The following DESI2 variants were observed in gnomAD, a reference collection of about 807,000 sequenced individuals.
DESI2 encodes deubiquitinase DESI2.
A neutral mutation model predicts 24.1 loss-of-function variants in DESI2; 10 were observed. The ratio of observed to expected loss-of-function variants is 0.41; its 90% CI spans 0.26 to 0.70. The LOEUF (loss-of-function observed/expected upper bound fraction) is 0.70, where lower values mean the gene tolerates loss of function less well. Ranked by LOEUF, DESI2 falls within the 30% of genes least tolerant of loss-of-function variation. The pLI, the probability that DESI2 is intolerant of heterozygous loss-of-function variation, is 0.29. For synonymous variants in DESI2, 71 were observed against 87.7 expected, an observed-to-expected ratio of 0.81 and a Z score of 1.06; for missense variants, 122 against 234.9, an observed-to-expected ratio of 0.52 and a Z score of 3.14.
intron 1 of DESI2, among the ~76,000 whole-genome samples, chr1:244,668,186 GTT>G (rs1350891961): frequency 6.6e-6 from 1 of 152,176 alleles, no homozygotes; most frequent in Non-Finnish European, 1.5e-5. Context: ...GTATACCTAT[GTT>G]TTGTTCAATC....
At chr1:244,691,042 C>T (rs1431035442) in intron 3 of DESI2, among the ~76,000 whole-genome samples, 4 of 152,236 alleles carry the variant, frequency 2.6e-5, no homozygotes, top group Admixed American at 2.0e-4. Flanking sequence ...TCCACTTTCT[C>T]TTGGATAATG....
intron 2 of DESI2, 25 bp downstream of exon 2, chr1:244,686,694 T>C (rs1676836908): frequency 6.8e-7 from 1 of 1,472,120 alleles, no homozygotes; most frequent in South Asian, 1.1e-5. Context: ...AGTCTAAATA[T>C]ACTCTCTGAA....
At chr1:244,695,108 G>A (rs766867791) in intron 4 of DESI2, among the ~76,000 whole-genome samples, 4 of 152,070 alleles carry the variant, frequency 2.6e-5, no homozygotes, top group Admixed American at 6.6e-5. Context: ...TGGCCCCACC[G>A]GCAGGCCAGC....
chr1:244,705,131 A>G (rs6692826), intron 4 of DESI2, among the ~76,000 whole-genome samples: 42,720 of 152,038 alleles, frequency 0.28, 6,286 homozygotes, highest in African/African-American at 0.37. Context: ...TCTGTGAAAA[A>G]GAAGAATTCA....
chr1:244,699,366 G>A (rs367711603), intron 4 of DESI2, among the ~76,000 whole-genome samples: 13 of 152,044 alleles, frequency 8.6e-5, no homozygotes, highest in East Asian at 1.9e-4. Context: ...GGCAGATCAC[G>A]AGGTCAAGAG....
intron 2 of DESI2, among the ~76,000 whole-genome samples, chr1:244,688,114 A>G (rs886875082): frequency 2.6e-5 from 4 of 152,234 alleles, no homozygotes; most frequent in Non-Finnish European, 4.4e-5. Context: ...ATTTAGTAAT[A>G]ATTAGAAACA....
chr1:244,655,701 A>G (rs978034031), intron 1 of DESI2, among the ~76,000 whole-genome samples: 7 of 152,224 alleles, frequency 4.6e-5, no homozygotes, highest in Admixed American at 4.6e-4. Flanking sequence ...AAGGTATGAA[A>G]CTTGAAGAAT....
At chr1:244,687,241 A>G (rs1309553789) in intron 2 of DESI2, among the ~76,000 whole-genome samples, 1 of 152,158 alleles carries the variant, frequency 6.6e-6, no homozygotes, top group Non-Finnish European at 1.5e-5. Flanking sequence ...AGCCCTTTTC[A>G]TTCTCCTTAT....
chr1:244,686,266 ATGTGTGTG>A (rs71574695), intron 1 of DESI2, among the ~76,000 whole-genome samples: 39 of 145,408 alleles, frequency 2.7e-4, no homozygotes, highest in Non-Finnish European at 4.8e-4. Context: ...GTGTGTGTGT[ATGTGTGTG>A]TGTGTGTGTG....
At chr1:244,654,461 T>C (rs1675577896) in intron 1 of DESI2, among the ~76,000 whole-genome samples, 2 of 152,214 alleles carry the variant, frequency 1.3e-5, no homozygotes, top group African/African-American at 4.8e-5. Flanking sequence ...TATTATATCT[T>C]GGGTAGAGTG....
intron 1 of DESI2, among the ~76,000 whole-genome samples, chr1:244,668,389 C>G (rs1265982794): frequency 6.6e-6 from 1 of 152,062 alleles, no homozygotes; most frequent in African/African-American, 2.4e-5. Flanking sequence ...AGTAATTAGC[C>G]CACGATCTCC....
In DESI2 at chr1:244,661,220, C is replaced by A. The variant is rs145564727; in HGVS notation, c.42+7865C>A. The stretch of plus-strand genomic sequence containing the variant: ...TGGTAATCATCATTCTGCTTTCTGT[C>A]TCTGTGCATTTGACTAGATAACCTC... On this transcript the variant is annotated intron_variant, in intron 1 of 4. Coordinates refer to ENST00000302550, the MANE Select transcript of DESI2 (RefSeq NM_016076.5). Among the ~76,000 whole-genome samples the A allele has an allele frequency of 1.7e-4, 26 of 152,284 alleles. No individual in the cohort carries two copies. The East Asian group carries it at 4.4e-3, about 26-fold the overall frequency.
intron 1 of DESI2, among the ~76,000 whole-genome samples, chr1:244,682,198 T>C (rs1054462431): frequency 1.3e-5 from 2 of 152,156 alleles, no homozygotes; most frequent in Non-Finnish European, 2.9e-5. Context: ...CTGGCTTGGG[T>C]GGCCAGCTTT....
intron 1 of DESI2, among the ~76,000 whole-genome samples, chr1:244,662,020 C>A (rs1482915671): frequency 6.6e-6 from 1 of 152,170 alleles, no homozygotes; most frequent in Non-Finnish European, 1.5e-5. Context: ...GTTTACAGTC[C>A]CACAACAGTG....
At chr1:244,669,324 C>T (rs1443494708) in intron 1 of DESI2, among the ~76,000 whole-genome samples, 1 of 151,566 alleles carries the variant, frequency 6.6e-6, no homozygotes, top group Non-Finnish European at 1.5e-5. Flanking sequence ...TAAACTTGTA[C>T]ATTTTACTTT....
At chr1:244,671,688 CT>C (rs1476591762) in intron 1 of DESI2, among the ~76,000 whole-genome samples, 2 of 152,198 alleles carry the variant, frequency 1.3e-5, no homozygotes, top group East Asian at 3.8e-4. Flanking sequence ...AGAAATCTTG[CT>C]AACATCCAGT....
rs1020682879 is a variant in DESI2 at position 244,703,083 on chromosome 1, C to T, written c.352-2473C>T. ...GTGGCACGATCTCAGCTCACTGCCA[C>T]CTCTGCCTCCTGGGTTCAAGCAATT... On this transcript the variant is annotated intron_variant, in intron 4 of 4. Coordinates refer to ENST00000302550, the MANE Select transcript of DESI2 (RefSeq NM_016076.5). 2.7e-5 allele frequency among the ~76,000 whole-genome samples: 4 copies of T among 149,060 alleles called. No individual in the cohort carries two copies. In the East Asian group the frequency reaches 8.1e-4, roughly 30 times the overall value.
At chr1:244,685,236 C>T (rs975857875) in intron 1 of DESI2, among the ~76,000 whole-genome samples, 1 of 151,904 alleles carries the variant, frequency 6.6e-6, no homozygotes, top group African/African-American at 2.4e-5. Context: ...TGTCTTTTCC[C>T]ACCTAAAATT....
rs1276066941 is a variant in DESI2 at position 244,708,810 on chromosome 1, C to A, written c.*3021C>A. ...AGTAGGCTTTCGTTGTCTTCTCTTT[C>A]AATACATGTACATCTTTACTGTTTG... On this transcript the variant is annotated 3_prime_UTR_variant, in exon 5 of 5. Transcript: ENST00000302550. The A allele has an allele frequency of 6.6e-6, 1 of 152,590 alleles. No individual in the cohort carries two copies. The highest frequency in any genetic ancestry group is 1.5e-5 in the Non-Finnish European group (1 of 68,040). The allele number at this position is 152,590 out of a possible 1,614,324, so 9.5% of individuals were successfully genotyped here.
Sources: gnomAD v4.1 joint callset for allele counts (sites outside exome capture counted in the v4.1 genomes callset) on GRCh38, gnomAD v4.1.1 for gene constraint, MANE v1.5 for transcripts, NCBI Gene and HGNC (gene_info 2026-07-23, HGNC 2026-07-21) for gene names.